The following XPOT variants were observed in gnomAD, a reference collection of about 807,000 sequenced individuals.
XPOT encodes exportin for tRNA.
In XPOT, 34 loss-of-function variants were observed where a neutral mutation model predicts 128.2. The observed-to-expected ratio is 0.27, with a 90% CI of 0.20 to 0.35. The LOEUF (loss-of-function observed/expected upper bound fraction) is 0.35. Among genes scored for constraint, XPOT ranks in the 10% least tolerant of loss-of-function variants. The probability of loss-of-function intolerance (pLI) is 1.00; values close to 1 mark genes in which losing one functional copy is unlikely to be tolerated. For missense variants in XPOT, 838 were observed against 1,125.3 expected (o/e 0.74, Z 3.65); for synonymous variants, 348 against 394.3 (o/e 0.88, Z 1.39).
At chr12:64,418,179 G>A in intron 5 of XPOT, 64 bp downstream of exon 5, 3 of 1,398,332 alleles carry the variant, frequency 2.1e-6, no homozygotes, top group Non-Finnish European at 3.0e-6. Context: ...TTTTGCAAGA[G>A]TTTGGAACTT....
At chr12:64,430,407 C>A in intron 17 of XPOT, 120 bp downstream of exon 17, 1 of 833,876 alleles carries the variant, frequency 1.2e-6, no homozygotes, top group Non-Finnish European at 1.8e-6. Context: ...TTGTCTAAAT[C>A]TTTGTCCTCC....
chr12:64,414,801 T>A (rs2040072485), intron 2 of XPOT, 106 bp from the exon 3 acceptor site: 4 of 659,400 alleles, frequency 6.1e-6, no homozygotes, highest in Non-Finnish European at 1.1e-5. Context: ...TCTATTAAGT[T>A]TACTGATTTG....
At chr12:64,445,621 T>A (rs1592343225) in intron 24 of XPOT, among the ~76,000 whole-genome samples, 3 of 152,166 alleles carry the variant, frequency 2.0e-5, no homozygotes, top group African/African-American at 7.2e-5. Flanking sequence ...TTCATAGTTA[T>A]AATTGAGTTC....
chr12:64,438,755 G>A (rs373166863), intron 22 of XPOT, among the ~76,000 whole-genome samples: 1 of 151,966 alleles, frequency 6.6e-6, no homozygotes, highest in African/African-American at 2.4e-5. Flanking sequence ...AGCCTCCCGA[G>A]TAGCTGGGAT....
intron 3 of XPOT, among the ~76,000 whole-genome samples, chr12:64,416,053 A>G (rs2040084719): frequency 6.6e-6 from 1 of 152,158 alleles, no homozygotes; most frequent in South Asian, 2.1e-4. Flanking sequence ...TCTCTAGAAG[A>G]TCTTTGTCAG....
chr12:64,436,541 G>A (rs529494606), intron 22 of XPOT, among the ~76,000 whole-genome samples: 2 of 152,234 alleles, frequency 1.3e-5, no homozygotes, highest in Admixed American at 6.5e-5. Flanking sequence ...GATAATAGGC[G>A]TGAGCCACTG....
chr12:64,416,996 TG>T lies in XPOT; in HGVS notation c.200+243del, dbSNP rs1448367847. On this transcript the variant is annotated intron_variant, in intron 4 of 24. Coordinates refer to ENST00000332707, the MANE Select transcript of XPOT (RefSeq NM_007235.6). ...GGGAGGCTGAGGCCGGTAGATCACT[TG>T]AAGTCAGGAGTTTGAGACTAACCAG... is the stretch of plus-strand genomic sequence containing the variant. Among the ~76,000 whole-genome samples the T allele has an allele frequency of 5.3e-5, 8 of 152,188 alleles. No homozygotes were observed. In the East Asian group the frequency reaches 1.5e-3, roughly 29 times the overall value.
intron 4 of XPOT, among the ~76,000 whole-genome samples, chr12:64,417,053 C>CA (rs1244258171): frequency 6.6e-6 from 1 of 151,952 alleles, no homozygotes; most frequent in Non-Finnish European, 1.5e-5. Flanking sequence ...CCCGTCTCTA[C>CA]AAAAAATACA....
intron 23 of XPOT, among the ~76,000 whole-genome samples, chr12:64,444,375 A>G (rs2040351676): frequency 6.6e-6 from 1 of 152,246 alleles, no homozygotes; most frequent in African/African-American, 2.4e-5. Context: ...ATTAATCTTG[A>G]TAAGTTAAAT....
intron 16 of XPOT, 81 bp downstream of exon 16, chr12:64,428,201 T>TA: frequency 1.0e-6 from 1 of 992,856 alleles, no homozygotes; most frequent in Non-Finnish European, 1.5e-6. Flanking sequence ...TTGTTGGCAT[T>TA]TAAAAAAAAA....
At position 64,425,082 on chromosome 12, in the gene XPOT, G is replaced by C. The variant is rs768089408; in HGVS notation, c.1352G>C (p.Arg451Thr). 1.2e-6 allele frequency: 2 copies of C among 1,613,214 alleles called. No homozygotes were observed. The highest frequency in any genetic ancestry group is 4.5e-5 in the East Asian group (2 of 44,874). The part of the protein sequence containing the change: ...TRFMEVEVAI[R>T]LLYMLAEALP... Reference sequence around the variant, plus strand: ...TTTATGGAAGTTGAAGTAGCAATAAGATTGCTGTATATGTTGGCAGAAGCT... The same window carrying C: ...TTTATGGAAGTTGAAGTAGCAATAACATTGCTGTATATGTTGGCAGAAGCT... Residue 451 changes from arginine (R) to threonine (T), a missense_variant, in exon 13 of 25, where the codon AGA (arginine) becomes ACA (threonine). Arg to Thr is a moderately conservative substitution (Grantham distance 71). Around this residue, in one of 3 missense-constraint regions of XPOT, gnomAD observed 761 missense variants for 988.3 expected, o/e 0.77. Coordinates refer to ENST00000332707, the MANE Select transcript of XPOT (RefSeq NM_007235.6).
intron 16 of XPOT, 36 bp from the exon 17 acceptor site, chr12:64,430,013 A>G (rs529018866): frequency 1.6e-4 from 236 of 1,513,500 alleles, no homozygotes; most frequent in Non-Finnish European, 2.0e-4. Context: ...GGAACTCAAA[A>G]AATAAAAGCT....
At chr12:64,412,768 C>T (rs887385252) in intron 2 of XPOT, among the ~76,000 whole-genome samples, 1 of 152,176 alleles carries the variant, frequency 6.6e-6, no homozygotes, top group African/African-American at 2.4e-5. Context: ...ACAAACCGCC[C>T]CCACTTAAGA....
At chr12:64,417,585 A>C (rs1200336866) in intron 4 of XPOT, among the ~76,000 whole-genome samples, 3 of 152,108 alleles carry the variant, frequency 2.0e-5, no homozygotes, top group African/African-American at 4.8e-5. Flanking sequence ...CTAGATTTCC[A>C]GCTTTTCTGG....
At chr12:64,415,952 G>A (rs1156385767) in intron 3 of XPOT, among the ~76,000 whole-genome samples, 2 of 152,112 alleles carry the variant, frequency 1.3e-5, no homozygotes, top group Non-Finnish European at 1.5e-5. Context: ...CTTCTGCAGT[G>A]TGGCTTTCTA....
intron 1 of XPOT, among the ~76,000 whole-genome samples, chr12:64,406,597 G>A (rs551381002): frequency 1.7e-4 from 26 of 151,580 alleles, no homozygotes; most frequent in Non-Finnish European, 3.2e-4. Context: ...TCGAACTCCC[G>A]ACCTCAGTTG....
intron 4 of XPOT, among the ~76,000 whole-genome samples, chr12:64,417,396 A>G (rs1455521488): frequency 6.6e-6 from 1 of 152,160 alleles, no homozygotes; most frequent in Non-Finnish European, 1.5e-5. Context: ...TTTTTTTAAA[A>G]AATTAGCCAG....
intron 18 of XPOT, among the ~76,000 whole-genome samples, chr12:64,433,179 C>T (rs988713326): frequency 1.3e-5 from 2 of 152,178 alleles, no homozygotes; most frequent in African/African-American, 4.8e-5. Flanking sequence ...CTCCTGACCT[C>T]AGGTGACTCA....
chr12:64,406,465 T>C (rs1248098299), intron 1 of XPOT, among the ~76,000 whole-genome samples: 1 of 151,778 alleles, frequency 6.6e-6, no homozygotes, highest in Non-Finnish European at 1.5e-5. Flanking sequence ...GCCTCCCGGG[T>C]TCAAGCGATT....
Sources: allele counts gnomAD v4.1 joint callset (sites outside exome capture counted in the v4.1 genomes callset), GRCh38; gene constraint gnomAD v4.1.1; regional missense constraint gnomAD v4.1.1; transcripts MANE v1.5; gene names NCBI Gene and HGNC (gene_info 2026-07-23, HGNC 2026-07-21).